GALNT16: variants seen among roughly 807,000 people sequenced by gnomAD.
GALNT16 encodes polypeptide N-acetylgalactosaminyltransferase 16.
GALNT16 carries 40 observed loss-of-function variants against 76.1 expected under a neutral mutation model. The ratio of observed to expected loss-of-function variants is 0.53; its 90% CI spans 0.41 to 0.68. The LOEUF is 0.68. Ranked by LOEUF, GALNT16 falls within the 30% of genes least tolerant of loss-of-function variation. The pLI, the probability that GALNT16 is intolerant of heterozygous loss-of-function variation, is 0.00. For missense variants in GALNT16, 621 were observed against 731.9 expected, an observed-to-expected ratio of 0.85 and a Z score of 1.75; for synonymous variants, 276 against 285.2, an observed-to-expected ratio of 0.97 and a Z score of 0.32.
At position 69,323,529 on chromosome 14, in the gene GALNT16, G is replaced by C. The variant is rs189940709; in HGVS notation, c.336-1163G>C. ...GGCCCTGGAGGTCAGCACTGGGAGG[G>C]TGCACACTTAGGAGGTATTTGCTGC... On this transcript the variant is annotated intron_variant, in intron 2 of 14. Transcript: ENST00000448469. 2.6e-5 allele frequency among the ~76,000 whole-genome samples: 4 copies of C among 152,256 alleles called. No homozygotes were observed. The East Asian group carries it at 7.7e-4, about 29-fold the overall frequency.
intron 1 of GALNT16, among the ~76,000 whole-genome samples, chr14:69,279,712 G>A (rs1213876922): frequency 6.6e-6 from 1 of 152,232 alleles, no homozygotes; most frequent in Non-Finnish European, 1.5e-5. Flanking sequence ...TTGAAGATGA[G>A]CGTGTGCTTG....
chr14:69,325,460 C>T (rs1160816468), intron 4 of GALNT16, 56 bp downstream of exon 4: 3 of 1,040,588 alleles, frequency 2.9e-6, no homozygotes, highest in Non-Finnish European at 3.0e-6. Flanking sequence ...CCCTGTTTCC[C>T]CAGAACACCA....
chr14:69,289,227 G>A (rs1397803483), intron 1 of GALNT16, among the ~76,000 whole-genome samples: 1 of 152,166 alleles, frequency 6.6e-6, no homozygotes, highest in African/African-American at 2.4e-5. Flanking sequence ...GGGATGCCAA[G>A]GTGCTGGAGA....
rs766935197 is a variant in GALNT16 at position 69,338,697 on chromosome 14, C to G, written c.1014C>G (p.Val338=). 4 of 1,613,784 alleles carry G rather than the reference C, an allele frequency of 2.5e-6. No individual in the cohort carries two copies. The highest frequency in any genetic ancestry group is 3.4e-6 in the Non-Finnish European group (4 of 1,179,844). Residue 338 remains valine, a synonymous_variant, in exon 10 of 15, where the codon GTC becomes GTG. Coordinates refer to ENST00000448469, the MANE Select transcript of GALNT16 (RefSeq NM_001168368.2). ...VWMCGGSLEI[V]PCSRVGHVFR... ...TGTGTGGTGGCAGTCTGGAGATCGT[C>G]CCCTGCAGCCGGGTGGGCCATGTCT...
intron 1 of GALNT16, among the ~76,000 whole-genome samples, chr14:69,313,793 A>G (rs923770419): frequency 9.5e-6 from 1 of 104,822 alleles, no homozygotes; most frequent in Non-Finnish European, 2.5e-5. Flanking sequence ...CATAGTAACC[A>G]TGGTGGCTCT....
At chr14:69,355,804 C>T (rs1383051519), downstream of GALNT16, 1 of 152,260 alleles carries the variant, frequency 6.6e-6, no homozygotes, top group Non-Finnish European at 1.5e-5. Context: ...TGTGACTTGG[C>T]TTCAGTTTTT....
At position 69,341,710 on chromosome 14, in the gene GALNT16, A is replaced by T. The variant is rs1323269328; in HGVS notation, c.1217A>T (p.Lys406Met). The T allele has an allele frequency of 6.2e-7, 1 of 1,613,096 alleles. No homozygotes were observed. Residue 406 changes from lysine to methionine, a missense_variant, in exon 12 of 15, where the codon AAG becomes ATG. Transcript: ENST00000448469. Reference protein sequence around the residue: ...SVATRIEQRKKMNCKSFRWYL... With the variant: ...SVATRIEQRKMMNCKSFRWYL... The stretch of plus-strand genomic sequence containing the variant: ...GCTACGCGGATAGAGCAGAGGAAGA[A>T]GATGAACTGCAAGTCCTTCCGCTGG...
chr14:69,313,693 C>T (rs2045059889), intron 1 of GALNT16, among the ~76,000 whole-genome samples: 1 of 152,248 alleles, frequency 6.6e-6, no homozygotes, highest in African/African-American at 2.4e-5. Flanking sequence ...TGGGTTTCCC[C>T]AGGCAGCTCC....
intron 1 of GALNT16, among the ~76,000 whole-genome samples, chr14:69,273,129 A>C (rs370137620): frequency 6.6e-6 from 1 of 152,272 alleles, no homozygotes; most frequent in Non-Finnish European, 1.5e-5. Context: ...ACCTCCCAGC[A>C]TGGGCTCTAG....
intron 1 of GALNT16, among the ~76,000 whole-genome samples, chr14:69,305,280 C>T (rs1257591897): frequency 6.6e-6 from 1 of 151,458 alleles, no homozygotes; most frequent in African/African-American, 2.4e-5. Context: ...TCTCCTGCCT[C>T]AGCCTCCCAA....
chr14:69,334,077 C>T (rs1221733044), intron 9 of GALNT16, among the ~76,000 whole-genome samples: 1 of 152,224 alleles, frequency 6.6e-6, no homozygotes, highest in Admixed American at 6.5e-5. Flanking sequence ...CCTTTAAAGT[C>T]TGAGTTTCCT....
chr14:69,381,808 C>T, the GALNT16 span, among the ~76,000 whole-genome samples: 13 of 152,170 alleles, frequency 8.5e-5, no homozygotes, highest in Non-Finnish European at 7.3e-5. Context: ...CCTGCCTCAG[C>T]CTCCTGAGTA....
At chr14:69,263,382 A>G (rs1424007804) in intron 1 of GALNT16, among the ~76,000 whole-genome samples, 1 of 152,162 alleles carries the variant, frequency 6.6e-6, no homozygotes, top group African/African-American at 2.4e-5. Flanking sequence ...GCAGCTGAGG[A>G]TTTACTTTCT....
chr14:69,276,184 G>T (rs1031208819), intron 1 of GALNT16, among the ~76,000 whole-genome samples: 7 of 152,040 alleles, frequency 4.6e-5, no homozygotes, highest in African/African-American at 1.2e-4. Flanking sequence ...GATGAGATTT[G>T]GGTGGGGACA....
chr14:69,268,418 A>T (rs776180230), intron 1 of GALNT16, among the ~76,000 whole-genome samples: 1 of 152,184 alleles, frequency 6.6e-6, no homozygotes, highest in Non-Finnish European at 1.5e-5. Context: ...ATGAAGCAAG[A>T]TGAGGGAATT....
chr14:69,348,620 G>A (rs2045595617), intron 14 of GALNT16: 1 of 153,078 alleles, frequency 6.5e-6, no homozygotes, highest in South Asian at 2.1e-4. Flanking sequence ...AAGCTGGCAT[G>A]ACCAGCCTCA....
At chr14:69,383,349 T>C in the GALNT16 span, among the ~76,000 whole-genome samples, 1 of 152,178 alleles carries the variant, frequency 6.6e-6, no homozygotes, top group Non-Finnish European at 1.5e-5. Flanking sequence ...AAAAAAGTCC[T>C]AGGTCACTGC....
intron 1 of GALNT16, among the ~76,000 whole-genome samples, chr14:69,279,410 C>A (rs1400556378): frequency 3.9e-5 from 6 of 152,172 alleles, no homozygotes; most frequent in Admixed American, 3.9e-4. Context: ...ATAGCACTAC[C>A]TTTTAGAGTT....
intron 6 of GALNT16, 55 bp downstream of exon 6, chr14:69,328,626 C>T: frequency 6.3e-7 from 1 of 1,574,904 alleles, no homozygotes; most frequent in Non-Finnish European, 8.6e-7. Flanking sequence ...CCACTACGTT[C>T]CTGGCACCGA....
Sources: allele counts gnomAD v4.1 joint callset (sites outside exome capture counted in the v4.1 genomes callset), GRCh38; gene constraint gnomAD v4.1.1; transcripts MANE v1.5; gene names NCBI Gene and HGNC (gene_info 2026-07-23, HGNC 2026-07-21).